TMEM117: variants seen among roughly 807,000 people sequenced by gnomAD.
The protein encoded by TMEM117 is transmembrane protein 117.
Under a neutral mutation model 52.4 loss-of-function variants are expected in TMEM117, and 27 were observed. The ratio of observed to expected loss-of-function variants is 0.51; its 90% confidence interval spans 0.38 to 0.71. The LOEUF is 0.71. Ranked by LOEUF, TMEM117 falls within the 30% of genes least tolerant of loss-of-function variation. The pLI is 0.00. For synonymous variants in TMEM117, 215 were observed against 206.3 expected (o/e 1.04, Z -0.36); for missense variants, 556 against 630.5 (o/e 0.88, Z 1.26).
chr12:44,259,311 T>C (rs570537849), intron 5 of TMEM117, among the ~76,000 whole-genome samples: 1 of 152,272 alleles, frequency 6.6e-6, no homozygotes, highest in African/African-American at 2.4e-5. Context: ...GATGTGGTTA[T>C]TATAACTGCA....
At chr12:44,107,045 G>T (rs949752877) in intron 3 of TMEM117, among the ~76,000 whole-genome samples, 2 of 152,082 alleles carry the variant, frequency 1.3e-5, no homozygotes, top group Middle Eastern at 3.4e-3. Flanking sequence ...GTTGATGATG[G>T]TATAATTTTA....
intron 3 of TMEM117, among the ~76,000 whole-genome samples, chr12:44,038,985 C>A (rs745706762): frequency 9.9e-5 from 15 of 152,172 alleles, no homozygotes; most frequent in Non-Finnish European, 1.5e-4. Context: ...CACCTCCCTG[C>A]CAAGCAAATG....
chr12:43,889,889 G>T (rs1944070940), intron 2 of TMEM117, among the ~76,000 whole-genome samples: 1 of 152,180 alleles, frequency 6.6e-6, no homozygotes. Context: ...AGAAGGCAGA[G>T]CAGGATAAGA....
chr12:44,088,881 A>G (rs1238323270), intron 3 of TMEM117, among the ~76,000 whole-genome samples: 1 of 152,224 alleles, frequency 6.6e-6, no homozygotes, highest in Admixed American at 6.5e-5. Flanking sequence ...GCCAACAGCC[A>G]GGAGCAAAAG....
intron 3 of TMEM117, among the ~76,000 whole-genome samples, chr12:44,133,698 G>A (rs1278679576): frequency 6.6e-6 from 1 of 152,066 alleles, no homozygotes. Context: ...ATGATGATGA[G>A]GCTTTGTGAG....
chr12:44,239,413 T>G (rs1206148645), intron 5 of TMEM117, among the ~76,000 whole-genome samples: 1 of 152,130 alleles, frequency 6.6e-6, no homozygotes, highest in Non-Finnish European at 1.5e-5. Context: ...TTTTATCAAA[T>G]ACACTGAAAT....
chr12:43,977,423 G>A (rs1176995680), intron 3 of TMEM117, among the ~76,000 whole-genome samples: 6 of 152,126 alleles, frequency 3.9e-5, no homozygotes, highest in African/African-American at 9.7e-5. Flanking sequence ...ACCTGAGGGG[G>A]TATGAACACA....
At chr12:44,208,725 G>GTTTTTTATT (rs1949604759) in intron 4 of TMEM117, among the ~76,000 whole-genome samples, 1 of 68,828 alleles carries the variant, frequency 1.5e-5, no homozygotes, top group African/African-American at 5.2e-5. Flanking sequence ...CAGAAAGAAT[G>GTTTTTTATT]TTTTTTTTTT....
intron 4 of TMEM117, among the ~76,000 whole-genome samples, chr12:44,200,218 C>T (rs1454645470): frequency 6.6e-6 from 1 of 152,122 alleles, no homozygotes; most frequent in Non-Finnish European, 1.5e-5. Flanking sequence ...TCATTTATGT[C>T]ATAAAGATAG....
intron 3 of TMEM117, among the ~76,000 whole-genome samples, chr12:44,114,606 T>C (rs528164963): frequency 6.6e-6 from 1 of 152,292 alleles, no homozygotes; most frequent in Admixed American, 6.5e-5. Context: ...AAAAGTAATT[T>C]ATTCTCTCTG....
intron 2 of TMEM117, among the ~76,000 whole-genome samples, chr12:43,862,378 C>T (rs894222759): frequency 3.3e-5 from 5 of 152,186 alleles, no homozygotes; most frequent in Non-Finnish European, 4.4e-5. Flanking sequence ...CCATGGATCT[C>T]GATCTTCTGA....
intron 5 of TMEM117, among the ~76,000 whole-genome samples, chr12:44,278,351 A>G (rs1950540232): frequency 6.6e-6 from 1 of 152,216 alleles, no homozygotes; most frequent in African/African-American, 2.4e-5. Context: ...TTTTGAGGCT[A>G]TCTGAATATC....
intron 6 of TMEM117, among the ~76,000 whole-genome samples, chr12:44,336,745 G>C (rs1263164077): frequency 6.6e-6 from 1 of 151,800 alleles, no homozygotes; most frequent in Non-Finnish European, 1.5e-5. Flanking sequence ...GTAAAACATG[G>C]TATCAGTCAT....
At chr12:44,128,038 T>G (rs1203469173) in intron 3 of TMEM117, among the ~76,000 whole-genome samples, 11 of 152,238 alleles carry the variant, frequency 7.2e-5, no homozygotes, top group Admixed American at 2.6e-4. Flanking sequence ...TAGGTAGATG[T>G]TGGGATACAG....
the TMEM117 span, among the ~76,000 whole-genome samples, chr12:43,803,464 T>G: frequency 1.8e-4 from 27 of 152,236 alleles, no homozygotes; most frequent in African/African-American, 6.0e-4. Context: ...AGGGGAGATA[T>G]AGGTATTTAT....
At position 44,178,449 on chromosome 12, in the gene TMEM117, T is replaced by C. The variant is rs186006353; in HGVS notation, c.511-32841T>C. Among the ~76,000 whole-genome samples the C allele has an allele frequency of 1.7e-3, 256 of 152,066 alleles. 1 individual carries two copies. The highest frequency in any genetic ancestry group is 5.8e-3 in the African/African-American group (240 of 41,522). ...TTCTCTCATATAGTCTACTTATCTC[T>C]GTCAGCTCCCTGTCACCTGCAGGTT... On this transcript the variant is annotated intron_variant, in intron 4 of 7. Transcript: ENST00000266534.
chr12:44,334,498 T>C (rs1429642160), intron 6 of TMEM117, among the ~76,000 whole-genome samples: 1 of 151,980 alleles, frequency 6.6e-6, no homozygotes, highest in Non-Finnish European at 1.5e-5. Flanking sequence ...CCCTAAGTCT[T>C]TTTTAATCAC....
intron 4 of TMEM117, among the ~76,000 whole-genome samples, chr12:44,177,080 C>A (rs1949125456): frequency 6.6e-6 from 1 of 152,100 alleles, no homozygotes; most frequent in African/African-American, 2.4e-5. Flanking sequence ...AATCAAGCTA[C>A]AAACCATTAA....
At chr12:44,227,652 A>G (rs559269495) in intron 5 of TMEM117, among the ~76,000 whole-genome samples, 1 of 152,228 alleles carries the variant, frequency 6.6e-6, no homozygotes, top group African/African-American at 2.4e-5. Flanking sequence ...TTTATTTTAT[A>G]TATGTCGCAT....
Sources: gnomAD v4.1 joint callset for allele counts (sites outside exome capture counted in the v4.1 genomes callset) on GRCh38, gnomAD v4.1.1 for gene constraint, MANE v1.5 for transcripts, NCBI Gene and HGNC (gene_info 2026-07-23, HGNC 2026-07-21) for gene names.